Variants in SPOCK1 observed in about 807,000 individuals in gnomAD.
The protein encoded by SPOCK1 is testican-1.
A neutral mutation model predicts 55.3 loss-of-function variants in SPOCK1; 23 were observed. The observed-to-expected ratio is 0.42, with a 90% CI of 0.30 to 0.59. SPOCK1 has a LOEUF of 0.59. SPOCK1 is among the 20% of genes least tolerant of loss of function. The probability of loss-of-function intolerance (pLI) is 0.22; values close to 1 mark genes in which losing one functional copy is unlikely to be tolerated. For synonymous variants in SPOCK1, 226 were observed against 221.0 expected (o/e 1.02, Z -0.20); for missense variants, 499 against 552.5 (o/e 0.90, Z 0.97).
At chr5:137,074,157 T>C (rs1051645419) in intron 5 of SPOCK1, among the ~76,000 whole-genome samples, 1 of 152,238 alleles carries the variant, frequency 6.6e-6, no homozygotes, top group Non-Finnish European at 1.5e-5. Flanking sequence ...TGGATTATCA[T>C]ACTAGAGTAA....
chr5:137,453,673 C>A (rs1243192910), intron 2 of SPOCK1, among the ~76,000 whole-genome samples: 1 of 152,156 alleles, frequency 6.6e-6, no homozygotes, highest in Non-Finnish European at 1.5e-5. Flanking sequence ...AGCCTATCAG[C>A]ACCACGGACA....
At chr5:137,426,459 T>C (rs1157727250) in intron 2 of SPOCK1, among the ~76,000 whole-genome samples, 2 of 152,202 alleles carry the variant, frequency 1.3e-5, no homozygotes, top group East Asian at 3.8e-4. Flanking sequence ...TGAGGGCTTT[T>C]CAGGGCTGAG....
At chr5:136,979,235 A>C in intron 10 of SPOCK1, 97 bp downstream of exon 10, 1 of 1,524,448 alleles carries the variant, frequency 6.6e-7, no homozygotes, top group Non-Finnish European at 8.9e-7. Context: ...TGTATACTGG[A>C]GTTACCTCTC....
At chr5:137,155,007 C>T (rs1754388293) in intron 3 of SPOCK1, among the ~76,000 whole-genome samples, 1 of 152,230 alleles carries the variant, frequency 6.6e-6, no homozygotes, top group South Asian at 2.1e-4. Flanking sequence ...GGGCAAGTTA[C>T]ATAGCTTCTC....
intron 2 of SPOCK1, among the ~76,000 whole-genome samples, chr5:137,423,784 A>G (rs1752551723): frequency 6.6e-6 from 1 of 152,114 alleles, no homozygotes; most frequent in South Asian, 2.1e-4. Flanking sequence ...TGCTGCACCC[A>G]CTGTCCTGCA....
intron 3 of SPOCK1, among the ~76,000 whole-genome samples, chr5:137,228,584 A>G (rs909066837): frequency 6.6e-6 from 1 of 152,220 alleles, no homozygotes; most frequent in African/African-American, 2.4e-5. Flanking sequence ...CCAAGGTTGC[A>G]GTGAGCAGAG....
chr5:137,455,920 A>G (rs1435180229), intron 2 of SPOCK1, among the ~76,000 whole-genome samples: 3 of 152,090 alleles, frequency 2.0e-5, no homozygotes, highest in Non-Finnish European at 2.9e-5. Flanking sequence ...ACCTAGCTAC[A>G]CGGGAGGTGA....
intron 3 of SPOCK1, among the ~76,000 whole-genome samples, chr5:137,143,852 T>A (rs979117432): frequency 6.6e-6 from 1 of 152,170 alleles, no homozygotes; most frequent in Non-Finnish European, 1.5e-5. Context: ...AAATTGCTAA[T>A]GAGAGATGCA....
At chr5:137,455,088 C>G (rs1360983948) in intron 2 of SPOCK1, among the ~76,000 whole-genome samples, 1 of 152,190 alleles carries the variant, frequency 6.6e-6, no homozygotes, top group Admixed American at 6.5e-5. Context: ...TATCAGTTCA[C>G]TTAGCTAGGA....
chr5:137,151,157 A>ATT (rs4035066), intron 3 of SPOCK1, among the ~76,000 whole-genome samples: 19,112 of 149,862 alleles, frequency 0.13, 1,358 homozygotes, highest in East Asian at 0.23. Flanking sequence ...GTATTTTGTA[A>ATT]TTTTTTTTTT....
chr5:137,018,817 A>G (rs1439758736), intron 6 of SPOCK1, among the ~76,000 whole-genome samples: 1 of 152,224 alleles, frequency 6.6e-6, no homozygotes, highest in Admixed American at 6.5e-5. Flanking sequence ...AAGTTACTAT[A>G]AATGATGTTA....
intron 4 of SPOCK1, among the ~76,000 whole-genome samples, chr5:137,137,858 AGAT>A (rs1236616174): frequency 6.6e-6 from 1 of 152,248 alleles, no homozygotes; most frequent in Non-Finnish European, 1.5e-5. Context: ...GAAATGAAGT[AGAT>A]AATAATAACT....
At chr5:137,235,753 A>G (rs1049914179) in intron 3 of SPOCK1, among the ~76,000 whole-genome samples, 3 of 152,246 alleles carry the variant, frequency 2.0e-5, no homozygotes, top group Non-Finnish European at 2.9e-5. Flanking sequence ...TAGTACAGAT[A>G]TGACCACTAG....
chr5:137,288,787 C>A (rs1273180179), intron 2 of SPOCK1, among the ~76,000 whole-genome samples: 1 of 152,206 alleles, frequency 6.6e-6, no homozygotes, highest in Non-Finnish European at 1.5e-5. Flanking sequence ...ACAATGCCAT[C>A]TGGAATGATG....
At chr5:137,099,201 A>G (rs965800039) in intron 5 of SPOCK1, among the ~76,000 whole-genome samples, 13 of 152,166 alleles carry the variant, frequency 8.5e-5, no homozygotes, top group African/African-American at 2.4e-4. Flanking sequence ...TTTCTCAGTG[A>G]GGGAGGGTAC....
chr5:137,142,639 G>A (rs1034472948), intron 3 of SPOCK1, among the ~76,000 whole-genome samples: 9 of 152,156 alleles, frequency 5.9e-5, no homozygotes, highest in African/African-American at 2.2e-4. Flanking sequence ...TGAGCCCCAG[G>A]GACAGAGTGT....
At chr5:137,251,331 T>C (rs1190713971) in intron 3 of SPOCK1, among the ~76,000 whole-genome samples, 1 of 152,222 alleles carries the variant, frequency 6.6e-6, no homozygotes, top group African/African-American at 2.4e-5. Flanking sequence ...CCTGTTTGTT[T>C]TCAGGAAAGC....
At chr5:137,252,245 C>A (rs1461835551) in intron 3 of SPOCK1, among the ~76,000 whole-genome samples, 3 of 152,164 alleles carry the variant, frequency 2.0e-5, no homozygotes, top group Non-Finnish European at 4.4e-5. Context: ...TTCTTAATTA[C>A]AATTCTCCCA....
At chr5:136,978,973 C>G in intron 10 of SPOCK1, 129 bp from the exon 11 acceptor site, 1 of 999,268 alleles carries the variant, frequency 1.0e-6, no homozygotes, top group Middle Eastern at 3.3e-4. Context: ...ACATCCCTGC[C>G]CCACTGAGGT....
Sources: allele counts gnomAD v4.1 joint callset (sites outside exome capture counted in the v4.1 genomes callset), GRCh38; gene constraint gnomAD v4.1.1; transcripts MANE v1.5; gene names NCBI Gene and HGNC (gene_info 2026-07-23, HGNC 2026-07-21).